Variants in MRPL58 observed in about 807,000 individuals in gnomAD.
The protein encoded by MRPL58 is mitochondrial ribosomal protein L58, also known as large ribosomal subunit protein mL62.
MRPL58 carries 17 observed loss-of-function variants against 26.0 expected under a neutral mutation model. The observed-to-expected ratio is 0.65, with a 90% confidence interval of 0.45 to 0.98. MRPL58 has a LOEUF of 0.98. Ranked by LOEUF, MRPL58 falls within the 50% of genes least tolerant of loss-of-function variation. The pLI is 0.00. For synonymous variants in MRPL58, 100 were observed against 99.7 expected, an observed-to-expected ratio of 1.00 and a Z score of -0.02; for missense variants, 250 against 269.0, an observed-to-expected ratio of 0.93 and a Z score of 0.49.
At chr17:75,016,423 A>G (rs1394215670) in intron 1 of MRPL58, among the ~76,000 whole-genome samples, 1 of 152,126 alleles carries the variant, frequency 6.6e-6, no homozygotes, top group Non-Finnish European at 1.5e-5. Context: ...CTCAAAAAAA[A>G]AAGAAATGAA....
At position 75,019,766 on chromosome 17, in the gene MRPL58, G is replaced by T; in HGVS notation, c.283+7G>T. ...GGGCAGAATGTGAACAAAGGTACGG[G>T]GTGCCTTGTTGCTTTCTTTTGCTTT... is the stretch of plus-strand genomic sequence containing the variant. On this transcript the variant is annotated splice_region_variant and intron_variant, in intron 3 of 5. Transcript: ENST00000301585. 2 of 1,591,594 alleles carry T rather than the reference G, an allele frequency of 1.3e-6. No individual in the cohort carries two copies. Among genetic ancestry groups the T allele is most frequent in the Non-Finnish European group, 1.7e-6 (2 of 1,163,926 alleles).
At position 75,020,975 on chromosome 17, in the gene MRPL58, A is replaced by T; in HGVS notation, c.591A>T (p.Val197=). ...RLRQKRIHSA[V]KTSRRVDMD ...GACAAAAGAGAATTCATTCTGCTGT[A>T]AAGACAAGCAGGAGGGTCGACATGG... The change falls in exon 6 of 6, where the codon GTA becomes GTT. Residue 197 remains valine, a synonymous_variant. Coordinates refer to ENST00000301585, the MANE Select transcript of MRPL58 (RefSeq NM_001545.3). The T allele has an allele frequency of 6.2e-7, 1 of 1,614,024 alleles. No homozygotes were observed. Among genetic ancestry groups the T allele is most frequent in the Non-Finnish European group, 8.5e-7 (1 of 1,179,876 alleles).
chr17:75,020,383 G>C lies in MRPL58; in HGVS notation c.354G>C (p.Lys118Asn). Reference protein sequence around the residue: ...AEWIAEPVRQKIAITHKNKIN... With the variant: ...AEWIAEPVRQNIAITHKNKIN... ...GGATCGCGGAGCCCGTGCGGCAGAAGATAGCCATCACGGTAACCACCATCC... is the reference window on the plus strand; with the variant it reads ...GGATCGCGGAGCCCGTGCGGCAGAACATAGCCATCACGGTAACCACCATCC... Residue 118 changes from lysine to asparagine, a missense_variant, in exon 4 of 6, where the codon AAG becomes AAC. Coordinates refer to ENST00000301585, the MANE Select transcript of MRPL58 (RefSeq NM_001545.3). 2 of 1,614,140 alleles carry C rather than the reference G, an allele frequency of 1.2e-6. No individual in the cohort carries two copies. The highest frequency in any genetic ancestry group is 1.7e-6 in the Non-Finnish European group (2 of 1,180,002).
rs1385759123 is a variant in MRPL58, at chr17:75,020,957, G to C, written c.573G>C (p.Lys191Asn). The change falls in exon 6 of 6, where the codon AAG becomes AAC. Residue 191 changes from lysine to asparagine, a missense_variant. By Grantham distance (94) the Lys-to-Asn change is moderately conservative. Coordinates refer to ENST00000301585, the MANE Select transcript of MRPL58 (RefSeq NM_001545.3). ...TGAATCGGGAAAGGCTGAGACAAAAGAGAATTCATTCTGCTGTAAAGACAA... is the reference window on the plus strand; with the variant it reads ...TGAATCGGGAAAGGCTGAGACAAAACAGAATTCATTCTGCTGTAAAGACAA... ...ENMNRERLRQ[K>N]RIHSAVKTSR... 6.2e-7 allele frequency: 1 copy of C among 1,613,968 alleles called. No individual in the cohort carries two copies. Among genetic ancestry groups the C allele is most frequent in the African/African-American group, 1.3e-5 (1 of 74,918 alleles).
intron 1 of MRPL58, among the ~76,000 whole-genome samples, chr17:75,014,775 T>C (rs1255936129): frequency 6.6e-6 from 1 of 152,194 alleles, no homozygotes; most frequent in Non-Finnish European, 1.5e-5. Context: ...AGTGAAAGGA[T>C]TGAGTTGCTA....
Position 75,021,096 on chromosome 17 carries a change from C to G in MRPL58, c.*91C>G, listed in dbSNP as rs2040014863. Reference sequence around the variant, plus strand: ...ACACCATAAGGAGATTTCTGTTTTTCTTTTTGGCTGTTAATGCTTGTCTAT... The same window carrying G: ...ACACCATAAGGAGATTTCTGTTTTTGTTTTTGGCTGTTAATGCTTGTCTAT... On this transcript the variant is annotated 3_prime_UTR_variant, in exon 6 of 6. Transcript: ENST00000301585. The G allele has an allele frequency of 9.7e-5, 82 of 842,204 alleles. No individual in the cohort carries two copies. Among genetic ancestry groups the G allele is most frequent in the South Asian group, 9.3e-4 (66 of 70,628 alleles). The allele number at this position is 842,204 out of a possible 1,614,324, so 52.2% of individuals were successfully genotyped here. A position where few individuals can be genotyped will look rare whatever the true frequency, so the allele number is the denominator to read the frequency against.
At chr17:75,020,722 G>T in intron 5 of MRPL58, 65 bp downstream of exon 5, 1 of 1,544,244 alleles carries the variant, frequency 6.5e-7, no homozygotes, top group Non-Finnish European at 8.9e-7. Context: ...CACAGGTAAG[G>T]AAGGGGCAGG....
At position 75,020,729 on chromosome 17, in the gene MRPL58, C is replaced by T. The variant is rs1430685306; in HGVS notation, c.536+72C>T. ...AGAGTCTACACAGGTAAGGAAGGGG[C>T]AGGGGAGAGTCCAAGGCCGGCCTTG... On this transcript the variant is annotated intron_variant, in intron 5 of 5. Coordinates refer to ENST00000301585, the MANE Select transcript of MRPL58 (RefSeq NM_001545.3). 18 of 1,512,362 alleles carry T rather than the reference C, an allele frequency of 1.2e-5. No homozygotes were observed. The East Asian group carries it at 3.8e-4, about 32-fold the overall frequency. The allele number at this position is 1,512,362 out of a possible 1,614,324, so 93.7% of individuals were successfully genotyped here.
At position 75,021,070 on chromosome 17, in the gene MRPL58, C is replaced by T; in HGVS notation, c.*65C>T. 3.0e-6 allele frequency: 3 copies of T among 1,014,208 alleles called. No individual in the cohort carries two copies. Among genetic ancestry groups the T allele is most frequent in the Non-Finnish European group, 4.7e-6 (3 of 634,376 alleles). 62.8% of individuals were successfully genotyped at this position (1,014,208 alleles called of 1,614,324 possible). Reference sequence around the variant, plus strand: ...GGGCAGCTGCAGCTGAGAGGACTTTCACACCATAAGGAGATTTCTGTTTTT... The same window carrying T: ...GGGCAGCTGCAGCTGAGAGGACTTTTACACCATAAGGAGATTTCTGTTTTT... On this transcript the variant is annotated 3_prime_UTR_variant, in exon 6 of 6. Coordinates refer to ENST00000301585, the MANE Select transcript of MRPL58 (RefSeq NM_001545.3).
intron 1 of MRPL58, among the ~76,000 whole-genome samples, chr17:75,015,911 C>T (rs1271838871): frequency 6.7e-6 from 1 of 150,260 alleles, no homozygotes; most frequent in East Asian, 2.0e-4. Context: ...CAGCCTCCCC[C>T]AGTAGCTAGG....
At chr17:75,015,462 C>T (rs570302748) in intron 1 of MRPL58, among the ~76,000 whole-genome samples, 46 of 152,238 alleles carry the variant, frequency 3.0e-4, no homozygotes, top group African/African-American at 1.1e-3. Context: ...CCAACCTGGG[C>T]GACAACCTTA....
rs374246879 is a variant in MRPL58 at position 75,014,710 on chromosome 17, G to A, written c.186+1838G>A. Reference sequence around the variant, plus strand: ...GATCTGCTCGCCTCAGCCTCCCAAAGTGCTGGGATTACAGGCGTGAGCCAC... The same window carrying A: ...GATCTGCTCGCCTCAGCCTCCCAAAATGCTGGGATTACAGGCGTGAGCCAC... On this transcript the variant is annotated intron_variant, in intron 1 of 5. Transcript: ENST00000301585. Among the ~76,000 whole-genome samples the A allele has an allele frequency of 3.3e-5, 5 of 151,478 alleles. No individual in the cohort carries two copies. In the East Asian group the frequency reaches 7.9e-4, roughly 24 times the overall value.
intron 1 of MRPL58, among the ~76,000 whole-genome samples, chr17:75,013,530 G>A (rs984928054): frequency 9.9e-5 from 15 of 152,236 alleles, no homozygotes; most frequent in Admixed American, 3.9e-4. Context: ...TGTTCTAGTG[G>A]AGGGAGACAA....
chr17:75,019,681 ACTTT>A lies in MRPL58; in HGVS notation c.224-15_224-12del. On this transcript the variant is annotated splice_polypyrimidine_tract_variant and intron_variant, in intron 2 of 5. Transcript: ENST00000301585. ...ATGAGGTAATCAGTTTTGTGTGTGT[ACTTT>A]CTTCTGTTTTACAGATCGCTTGACA... 1 of 1,611,376 alleles carries A rather than the reference ACTTT, an allele frequency of 6.2e-7. No individual in the cohort carries two copies. The highest frequency in any genetic ancestry group is 8.5e-7 in the Non-Finnish European group (1 of 1,177,662).
At chr17:75,012,919 G>A (rs377660208) in intron 1 of MRPL58, 47 bp downstream of exon 1, 18 of 1,560,104 alleles carry the variant, frequency 1.2e-5, no homozygotes, top group Non-Finnish European at 1.4e-5. Flanking sequence ...TCAGGCTGCT[G>A]GGTGACGTTA....
At chr17:75,018,646 G>C (rs1339617307) in intron 2 of MRPL58, 1 of 152,128 alleles carries the variant, frequency 6.6e-6, no homozygotes, top group Non-Finnish European at 1.5e-5. Flanking sequence ...GGAATAGAGA[G>C]ATAAGACAAA....
At chr17:75,015,589 A>G (rs1382136274) in intron 1 of MRPL58, among the ~76,000 whole-genome samples, 1 of 152,154 alleles carries the variant, frequency 6.6e-6, no homozygotes, top group Non-Finnish European at 1.5e-5. Context: ...TCAGTGTTTA[A>G]AAGTTGCTAA....
At chr17:75,019,499 C>G (rs923644124) in intron 2 of MRPL58, among the ~76,000 whole-genome samples, 1 of 152,218 alleles carries the variant, frequency 6.6e-6, no homozygotes, top group Non-Finnish European at 1.5e-5. Flanking sequence ...CTCTTAAAAG[C>G]AGTCCCAAGA....
At chr17:75,014,583 A>C (rs948560034) in intron 1 of MRPL58, among the ~76,000 whole-genome samples, 1 of 151,264 alleles carries the variant, frequency 6.6e-6, no homozygotes, top group Non-Finnish European at 1.5e-5. Context: ...AGCTGGGATT[A>C]CAGGCATGCA....
Sources: gnomAD v4.1 joint callset for allele counts (sites outside exome capture counted in the v4.1 genomes callset) on GRCh38, gnomAD v4.1.1 for gene constraint, MANE v1.5 for transcripts, NCBI Gene and HGNC (gene_info 2026-07-23, HGNC 2026-07-21) for gene names.